CTNND2: variants seen among roughly 807,000 people sequenced by gnomAD.
The protein encoded by CTNND2 is catenin delta 2.
CTNND2 carries 22 observed loss-of-function variants against 144.4 expected under a neutral mutation model. The observed-to-expected ratio is 0.15, with a 90% confidence interval of 0.11 to 0.22. CTNND2 has a LOEUF of 0.22. Ranked by LOEUF, CTNND2 falls within the 10% of genes least tolerant of loss-of-function variation. CTNND2 has a pLI of 1.00. For missense variants in CTNND2, 1,353 were observed against 1,618.8 expected, an observed-to-expected ratio of 0.84 and a Z score of 2.82; for synonymous variants, 751 against 695.6, an observed-to-expected ratio of 1.08 and a Z score of -1.25.
In CTNND2 at chr5:11,632,775, A is replaced by C. The variant is rs538300300; in HGVS notation, c.175-67719T>G. Among the ~76,000 whole-genome samples the C allele has an allele frequency of 2.6e-3, 390 of 152,318 alleles. 3 individuals carry two copies. Among genetic ancestry groups the C allele is most frequent in the Middle Eastern group, 3.4e-3 (1 of 294 alleles). ...GGAATATATTATGATGACTCACCAA[A>C]TACAGGATGTTAATAAAAACAGAAA... On this transcript the variant is annotated intron_variant, in intron 2 of 21. Transcript: ENST00000304623.
At chr5:11,007,569 A>G (rs114058634) in intron 18 of CTNND2, among the ~76,000 whole-genome samples, 4 of 152,364 alleles carry the variant, frequency 2.6e-5, no homozygotes, top group African/African-American at 9.6e-5. Context: ...TAATGTTCTT[A>G]TATTGTTCCA....
At position 11,372,464 on chromosome 5, in the gene CTNND2, G is replaced by T. The variant is rs1328304934; in HGVS notation, c.1178-7574C>A. 4.6e-5 allele frequency among the ~76,000 whole-genome samples: 7 copies of T among 152,168 alleles called. 1 individual carries two copies. Among genetic ancestry groups the T allele is most frequent in the Admixed American group, 4.6e-4 (7 of 15,276 alleles). On this transcript the variant is annotated intron_variant, in intron 7 of 21. Transcript: ENST00000304623. ...TTTGCATTTTTACTTGCAGTGGAAG[G>T]TTGTTCTTCCTCTCTAGTGAAATGG...
In CTNND2 at chr5:11,007,795, T is replaced by C. The variant is rs548874428; in HGVS notation, c.3084+10179A>G. On this transcript the variant is annotated intron_variant, in intron 18 of 21. Transcript: ENST00000304623. ...TGGGCACAGATACTCAAAAGGAGCA[T>C]TGGTGCTGTTGCACACATAGCGTGG... is the stretch of plus-strand genomic sequence containing the variant. Among the ~76,000 whole-genome samples the C allele has an allele frequency of 3.3e-5, 5 of 152,332 alleles. No individual in the cohort carries two copies. The East Asian group carries it at 7.7e-4, about 23-fold the overall frequency.
chr5:11,045,636 T>C (rs893929816), intron 16 of CTNND2, among the ~76,000 whole-genome samples: 1 of 152,032 alleles, frequency 6.6e-6, no homozygotes, highest in Admixed American at 6.6e-5. Flanking sequence ...GTCTGTGTCA[T>C]CTCCTCTTGT....
intron 3 of CTNND2, among the ~76,000 whole-genome samples, chr5:11,504,858 C>G (rs563852863): frequency 6.6e-6 from 1 of 152,270 alleles, no homozygotes; most frequent in East Asian, 1.9e-4. Context: ...GACCCTGTAG[C>G]CTTCCTTGCT....
Position 11,849,199 on chromosome 5 carries a change from T to C in CTNND2, c.37+54618A>G, listed in dbSNP as rs143744164. ...CAGGCAAGAGAGAGAAAGAACCAAG[T>C]GAAAGGGGTTTCTCCTTATAAAACC... On this transcript the variant is annotated intron_variant, in intron 1 of 21. Transcript: ENST00000304623. Among the ~76,000 whole-genome samples the C allele has an allele frequency of 1.9e-3, 287 of 152,094 alleles. 1 individual carries two copies. Among genetic ancestry groups the C allele is most frequent in the African/African-American group, 6.4e-3 (265 of 41,468 alleles).
At chr5:11,063,849 T>C (rs1210820245) in intron 16 of CTNND2, among the ~76,000 whole-genome samples, 1 of 151,992 alleles carries the variant, frequency 6.6e-6, no homozygotes, top group Non-Finnish European at 1.5e-5. Context: ...TTTAGAGAGT[T>C]AACAAGGAAA....
intron 1 of CTNND2, among the ~76,000 whole-genome samples, chr5:11,773,439 A>G (rs1790061185): frequency 6.6e-6 from 1 of 152,254 alleles, no homozygotes; most frequent in South Asian, 2.1e-4. Context: ...ATGTAGCCTT[A>G]GCCCCAGATG....
chr5:11,091,869 A>G (rs4701905), intron 15 of CTNND2, among the ~76,000 whole-genome samples: 27,425 of 152,184 alleles, frequency 0.18, 3,872 homozygotes, highest in East Asian at 0.63. Context: ...TATTTGCCTC[A>G]GACACATGTG....
intron 5 of CTNND2, among the ~76,000 whole-genome samples, chr5:11,408,699 A>T (rs895697021): frequency 6.6e-6 from 1 of 152,134 alleles, no homozygotes; most frequent in Non-Finnish European, 1.5e-5. Flanking sequence ...GAAAGACCAT[A>T]CTGGAGCATT....
In CTNND2 at chr5:11,233,716, C is replaced by CTGTGTGTGTGTGTGTG. The variant is rs3033106; in HGVS notation, c.1761+2959_1761+2974dup. On this transcript the variant is annotated intron_variant, in intron 10 of 21. Transcript: ENST00000304623. ...AGAATCCTTATTAGAGTTTACGTGT[C>CTGTGTGTGTGTGTGTG]TGTGTGTGTGTGTGTGTGTGTGTGT... is the stretch of plus-strand genomic sequence containing the variant. Among the ~76,000 whole-genome samples the CTGTGTGTGTGTGTGTG allele has an allele frequency of 1.0e-3, 149 of 148,330 alleles. 1 individual carries two copies. The highest frequency in any genetic ancestry group is 2.6e-3 in the African/African-American group (104 of 40,258).
At chr5:11,120,684 T>C (rs1399206260) in intron 12 of CTNND2, among the ~76,000 whole-genome samples, 1 of 151,568 alleles carries the variant, frequency 6.6e-6, no homozygotes, top group Non-Finnish European at 1.5e-5. Context: ...GCAGGCAACA[T>C]GAGGCTCAGT....
At chr5:11,659,079 C>T (rs936456787) in intron 2 of CTNND2, among the ~76,000 whole-genome samples, 26 of 152,028 alleles carry the variant, frequency 1.7e-4, no homozygotes, top group South Asian at 2.1e-4. Flanking sequence ...TTTGTATTCA[C>T]GGTTCCTCAT....
Position 11,293,776 on chromosome 5 carries a change from A to G in CTNND2, c.1628+52596T>C, listed in dbSNP as rs141962318. 4.5e-3 allele frequency among the ~76,000 whole-genome samples: 647 copies of G among 145,112 alleles called. 1 individual carries two copies. Among genetic ancestry groups the G allele is most frequent in the African/African-American group, 0.015 (617 of 40,092 alleles). ...TTTAAGCATTAACCACAGGCAAAAA[A>G]GACTCCAAGAAATGTGCCCACATTT... is the stretch of plus-strand genomic sequence containing the variant. On this transcript the variant is annotated intron_variant, in intron 9 of 21. Transcript: ENST00000304623.
chr5:11,872,453 C>A (rs570156812), intron 1 of CTNND2, among the ~76,000 whole-genome samples: 1 of 152,138 alleles, frequency 6.6e-6, no homozygotes, highest in South Asian at 2.1e-4. Context: ...CTTGAGGAAT[C>A]GCCATACTGT....
At chr5:11,198,847 C>T (rs1737133567) in intron 11 of CTNND2, among the ~76,000 whole-genome samples, 1 of 152,140 alleles carries the variant, frequency 6.6e-6, no homozygotes, top group East Asian at 1.9e-4. Flanking sequence ...CATATATGTG[C>T]CAAATGTTTT....
intron 3 of CTNND2, among the ~76,000 whole-genome samples, chr5:11,560,412 A>C (rs751236746): frequency 6.6e-6 from 1 of 152,188 alleles, no homozygotes; most frequent in Non-Finnish European, 1.5e-5. Context: ...GAGTGGTCCA[A>C]CTGTGATTTG....
At chr5:11,673,933 T>C (rs566601447) in intron 2 of CTNND2, among the ~76,000 whole-genome samples, 13 of 152,300 alleles carry the variant, frequency 8.5e-5, no homozygotes, top group Non-Finnish European at 1.6e-4. Flanking sequence ...GTCCTCTATA[T>C]CATAATTATG....
chr5:11,901,715 A>T (rs567080510), intron 1 of CTNND2, among the ~76,000 whole-genome samples: 19 of 152,302 alleles, frequency 1.2e-4, no homozygotes, highest in East Asian at 3.9e-4. Context: ...CAATCAGATA[A>T]TATCATTTTC....
Sources: allele counts gnomAD v4.1 joint callset (sites outside exome capture counted in the v4.1 genomes callset), GRCh38; gene constraint gnomAD v4.1.1; transcripts MANE v1.5; gene names NCBI Gene and HGNC (gene_info 2026-07-23, HGNC 2026-07-21).